The following FAM210A variants were observed in gnomAD, a reference collection of about 807,000 sequenced individuals.
FAM210A encodes family with sequence similarity 210 member A.
Under a neutral mutation model 25.3 loss-of-function variants are expected in FAM210A, and 13 were observed. The ratio of observed to expected loss-of-function variants is 0.51; its 90% CI spans 0.33 to 0.82. The LOEUF is 0.82. Among genes scored for constraint, FAM210A ranks in the 40% least tolerant of loss-of-function variants. FAM210A has a pLI of 0.02. For missense variants in FAM210A, 319 were observed against 323.2 expected (o/e 0.99, Z 0.10); for synonymous variants, 125 against 118.7 (o/e 1.05, Z -0.35).
At chr18:13,667,295 T>C (rs931300014) in intron 3 of FAM210A, among the ~76,000 whole-genome samples, 1 of 152,144 alleles carries the variant, frequency 6.6e-6, no homozygotes, top group African/African-American at 2.4e-5. Context: ...CCAAAAGTAG[T>C]AAAATGGCAC....
At chr18:13,695,523 A>T (rs2043684667) in intron 1 of FAM210A, among the ~76,000 whole-genome samples, 1 of 152,256 alleles carries the variant, frequency 6.6e-6, no homozygotes, top group African/African-American at 2.4e-5. Flanking sequence ...ACCATGGAAT[A>T]CTATGCAGCC....
intron 2 of FAM210A, among the ~76,000 whole-genome samples, chr18:13,679,043 T>C (rs1009289476): frequency 6.6e-6 from 1 of 152,186 alleles, no homozygotes; most frequent in Non-Finnish European, 1.5e-5. Context: ...TAAAATAAAA[T>C]CTATTAGCAT....
rs531098888 is a variant in FAM210A at position 13,669,535 on chromosome 18, T to G, written c.585+2327A>C. Among the ~76,000 whole-genome samples the G allele has an allele frequency of 7.9e-5, 12 of 152,198 alleles. No homozygotes were observed. In the East Asian group the frequency reaches 2.3e-3, roughly 29 times the overall value. ...TCTTGGAGGAGCAACTCTCTCACCT[T>G]CTCAGCAAGGTGTGCCATCTCCCAT... On this transcript the variant is annotated intron_variant, in intron 3 of 3. Coordinates refer to ENST00000651643, the MANE Select transcript of FAM210A (RefSeq NM_152352.4).
chr18:13,708,035 A>G (rs2043793146), intron 1 of FAM210A, among the ~76,000 whole-genome samples: 1 of 152,130 alleles, frequency 6.6e-6, no homozygotes, highest in South Asian at 2.1e-4. Flanking sequence ...ATTCAGCTGA[A>G]GTTTTTCTTT....
chr18:13,707,011 C>T (rs901249810), intron 1 of FAM210A, among the ~76,000 whole-genome samples: 2 of 152,184 alleles, frequency 1.3e-5, no homozygotes, highest in Non-Finnish European at 2.9e-5. Flanking sequence ...TAACAGTCTC[C>T]CTGGTGTGCT....
chr18:13,696,106 T>C (rs2043691167), intron 1 of FAM210A, among the ~76,000 whole-genome samples: 1 of 152,158 alleles, frequency 6.6e-6, no homozygotes, highest in East Asian at 1.9e-4. Flanking sequence ...GGAGAGATAG[T>C]CTACATTCAT....
intron 2 of FAM210A, among the ~76,000 whole-genome samples, chr18:13,673,340 C>CTTT (rs2043459843): frequency 1.5e-5 from 2 of 137,558 alleles, no homozygotes. Context: ...ACCCCGACTT[C>CTTT]ATTTCCAGTT....
intron 1 of FAM210A, among the ~76,000 whole-genome samples, chr18:13,720,355 A>T (rs1376727134): frequency 1.3e-5 from 2 of 152,138 alleles, no homozygotes; most frequent in African/African-American, 2.4e-5. Context: ...TCTGGGATCC[A>T]CTCAAAACTA....
intron 1 of FAM210A, among the ~76,000 whole-genome samples, chr18:13,711,504 A>AT (rs2043821378): frequency 6.6e-6 from 1 of 152,190 alleles, no homozygotes; most frequent in Non-Finnish European, 1.5e-5. Context: ...AGGAGCTTCT[A>AT]TTGATACCTT....
chr18:13,669,749 G>T (rs1445825722), intron 3 of FAM210A, among the ~76,000 whole-genome samples: 1 of 152,128 alleles, frequency 6.6e-6, no homozygotes, highest in Non-Finnish European at 1.5e-5. Context: ...TTTATTCCCA[G>T]TACCTAGAAT....
chr18:13,666,789 A>T (rs2043405051), intron 3 of FAM210A, 76 bp from the exon 4 acceptor site: 9 of 1,345,036 alleles, frequency 6.7e-6, no homozygotes, highest in Non-Finnish European at 8.2e-6. Context: ...AGTTAAAATT[A>T]AAATTCTTGG....
At chr18:13,702,136 C>G (rs773555588) in intron 1 of FAM210A, among the ~76,000 whole-genome samples, 1 of 152,214 alleles carries the variant, frequency 6.6e-6, no homozygotes, top group Non-Finnish European at 1.5e-5. Context: ...CAGGGCCACT[C>G]AGAGGAAGGG....
At chr18:13,674,212 AC>A (rs1239984106) in intron 2 of FAM210A, among the ~76,000 whole-genome samples, 1 of 133,908 alleles carries the variant, frequency 7.5e-6, no homozygotes, top group East Asian at 2.4e-4. Context: ...CTGATTATTA[AC>A]ATTCCTGAGC....
At chr18:13,707,812 T>C (rs2043790672) in intron 1 of FAM210A, among the ~76,000 whole-genome samples, 1 of 152,208 alleles carries the variant, frequency 6.6e-6, no homozygotes, top group Non-Finnish European at 1.5e-5. Context: ...TGCTAAGTGC[T>C]CAGTGTTCAA....
At chr18:13,704,783 C>A (rs1470126260) in intron 1 of FAM210A, among the ~76,000 whole-genome samples, 1 of 152,114 alleles carries the variant, frequency 6.6e-6, no homozygotes, top group Non-Finnish European at 1.5e-5. Flanking sequence ...ATTAATATGT[C>A]TGTGTATATG....
intron 1 of FAM210A, among the ~76,000 whole-genome samples, chr18:13,694,090 C>G (rs1484173627): frequency 6.6e-6 from 1 of 152,196 alleles, no homozygotes; most frequent in African/African-American, 2.4e-5. Flanking sequence ...AACAGACAAA[C>G]AGAATGCCAA....
At chr18:13,713,777 G>T (rs2043840004) in intron 1 of FAM210A, among the ~76,000 whole-genome samples, 1 of 134,094 alleles carries the variant, frequency 7.5e-6, no homozygotes, top group Non-Finnish European at 1.6e-5. Context: ...GTCTTGCTCT[G>T]TCACTTAGGC....
At chr18:13,708,374 T>A (rs142802433) in intron 1 of FAM210A, among the ~76,000 whole-genome samples, 10 of 152,328 alleles carry the variant, frequency 6.6e-5, no homozygotes, top group African/African-American at 2.4e-4. Context: ...TCAAGTCTGT[T>A]GTTCAAGAGT....
intron 1 of FAM210A, among the ~76,000 whole-genome samples, chr18:13,701,232 T>C (rs2043737134): frequency 1.3e-5 from 2 of 151,738 alleles, no homozygotes; most frequent in African/African-American, 4.8e-5. Context: ...TTCTCTCAGA[T>C]TTCGGAGCTC....
Sources: gnomAD v4.1 joint callset for allele counts (sites outside exome capture counted in the v4.1 genomes callset) on GRCh38, gnomAD v4.1.1 for gene constraint, MANE v1.5 for transcripts, NCBI Gene and HGNC (gene_info 2026-07-23, HGNC 2026-07-21) for gene names.